ADAMDEC1: variants seen among roughly 807,000 people sequenced by gnomAD.
The protein encoded by ADAMDEC1 is ADAM like decysin 1, also known as ADAM DEC1.
ADAMDEC1 carries 62 observed loss-of-function variants against 60.4 expected under a neutral mutation model. That is an observed-to-expected ratio of 1.03 (90% CI 0.84 to 1.27). ADAMDEC1 has a LOEUF of 1.27. ADAMDEC1 is among the 50% of genes most tolerant of loss of function. The pLI is 0.00. For missense variants in ADAMDEC1, 595 were observed against 565.0 expected (o/e 1.05, Z -0.54); for synonymous variants, 210 against 195.1 (o/e 1.08, Z -0.64).
At position 24,402,101 on chromosome 8, in the gene ADAMDEC1, T is replaced by G; in HGVS notation, c.1320+9T>G. ...ATTGTGGCTCTCCTAAGGTATTATT[T>G]ATTAGAATTATTGGGGCAGAAGAAT... is the stretch of plus-strand genomic sequence containing the variant. On this transcript the variant is annotated intron_variant, in intron 12 of 13. Coordinates refer to ENST00000256412, the MANE Select transcript of ADAMDEC1 (RefSeq NM_014479.3). The G allele has an allele frequency of 6.3e-7, 1 of 1,577,792 alleles. No homozygotes were observed. Among genetic ancestry groups the G allele is most frequent in the Non-Finnish European group, 8.6e-7 (1 of 1,162,422 alleles).
rs748968529 is a variant in ADAMDEC1 at position 24,398,977 on chromosome 8, A to G, written c.866A>G (p.Asn289Ser). Residue 289 changes from asparagine (N) to serine (S), a missense_variant, in exon 9 of 14, where the codon AAC becomes AGC. Transcript: ENST00000256412. ...CCCAGCGCAAGCACCACGTTTGACA[A>G]CTTCCTGAGATGGCACAGTTCTAAC... ...VVPSASTTFDNFLRWHSSNLG... is the reference protein window; with the variant it reads ...VVPSASTTFDSFLRWHSSNLG... 29 of 1,613,714 alleles carry G rather than the reference A, an allele frequency of 1.8e-5. No homozygotes were observed. Among genetic ancestry groups the G allele is most frequent in the Admixed American group, 1.3e-4 (8 of 59,976 alleles).
At chr8:24,387,420 G>C (rs957470811) in intron 1 of ADAMDEC1, 7 of 151,996 alleles carry the variant, frequency 4.6e-5, no homozygotes, top group African/African-American at 1.7e-4. Flanking sequence ...GTGTAGAGTG[G>C]GGACAAAGCA....
At chr8:24,399,370 A>C in intron 9 of ADAMDEC1, 23 bp from the exon 10 acceptor site, 1 of 1,601,198 alleles carries the variant, frequency 6.2e-7, no homozygotes, top group African/African-American at 1.3e-5. Flanking sequence ...TTGTGACAGT[A>C]GTATCTGTAA....
intron 10 of ADAMDEC1, among the ~76,000 whole-genome samples, chr8:24,399,901 T>G (rs1817717426): frequency 6.6e-6 from 1 of 152,218 alleles, no homozygotes; most frequent in South Asian, 2.1e-4. Flanking sequence ...ATGGTGCCTA[T>G]GAGTACTTCC....
At chr8:24,394,270 T>C (rs534386953) in intron 4 of ADAMDEC1, 123 bp downstream of exon 4, 2 of 619,048 alleles carry the variant, frequency 3.2e-6, no homozygotes, top group East Asian at 6.0e-5. Flanking sequence ...ATGAACAGCT[T>C]CAAAAAATAA....
At chr8:24,395,662 A>C in intron 4 of ADAMDEC1, 58 bp from the exon 5 acceptor site, 3 of 1,133,026 alleles carry the variant, frequency 2.6e-6, no homozygotes, top group Non-Finnish European at 3.9e-6. Flanking sequence ...TTACACACAC[A>C]CTCACATACA....
intron 13 of ADAMDEC1, 92 bp from the exon 14 acceptor site, chr8:24,405,195 ATAATT>A (rs1817859147): frequency 8.2e-7 from 1 of 1,219,442 alleles, no homozygotes. Context: ...TGTTATTCAC[ATAATT>A]TAAATTCTAT....
At chr8:24,400,430 G>A (rs1817732768) in intron 11 of ADAMDEC1, 130 bp downstream of exon 11, 2 of 1,075,526 alleles carry the variant, frequency 1.9e-6, no homozygotes, top group East Asian at 2.8e-5. Context: ...TTTTAAAATT[G>A]TTTATAAAAT....
Position 24,399,480 on chromosome 8 carries a change from T to C in ADAMDEC1, c.1011+6T>C, listed in dbSNP as rs760310521. The C allele has an allele frequency of 6.2e-7, 1 of 1,611,326 alleles. No homozygotes were observed. Among genetic ancestry groups the C allele is most frequent in the Non-Finnish European group, 8.5e-7 (1 of 1,177,566 alleles). ...CTTCGGTTGCTGTTATTGAGGTTTGTAAATTTGTAGTAAGGCTCTCTGTGG... is the reference window on the plus strand; with the variant it reads ...CTTCGGTTGCTGTTATTGAGGTTTGCAAATTTGTAGTAAGGCTCTCTGTGG... On this transcript the variant is annotated splice_donor_region_variant and intron_variant, in intron 10 of 13. Transcript: ENST00000256412.
intron 13 of ADAMDEC1, among the ~76,000 whole-genome samples, chr8:24,404,543 A>G (rs1055539526): frequency 3.3e-5 from 5 of 152,210 alleles, no homozygotes; most frequent in African/African-American, 7.2e-5. Flanking sequence ...AAGTGTCTCA[A>G]TGAGCCATAA....
At position 24,404,005 on chromosome 8, in the gene ADAMDEC1, G is replaced by A. The variant is rs61731545; in HGVS notation, c.1323G>A (p.Glu441=). The A allele has an allele frequency of 3.2e-3, 5,100 of 1,613,092 alleles. 141 individuals are homozygous for A. The African/African-American group carries it at 0.061, about 19-fold the overall frequency. Residue 441 remains glutamate (E), a splice_region_variant and synonymous_variant, in exon 13 of 14, where the codon GAG becomes GAA. Transcript: ENST00000256412. The part of the protein sequence containing the change: ...GEDCDCGSPK[E]CTNLCCEALT... The stretch of plus-strand genomic sequence containing the variant: ...TCCATTGTGTGTGTGCTTTGAAGGA[G>A]TGTACCAATCTCTGCTGTGAAGCCC...
intron 1 of ADAMDEC1, among the ~76,000 whole-genome samples, chr8:24,388,644 C>G (rs1048705421): frequency 6.6e-6 from 1 of 152,130 alleles, no homozygotes; most frequent in African/African-American, 2.4e-5. Flanking sequence ...TCTTTTGTAG[C>G]AGCATTCAGT....
chr8:24,402,501 C>T (rs927498427), intron 12 of ADAMDEC1, among the ~76,000 whole-genome samples: 8 of 151,742 alleles, frequency 5.3e-5, no homozygotes, highest in African/African-American at 1.9e-4. Flanking sequence ...AGGTTGTAAA[C>T]AGAGAAGAAA....
chr8:24,395,582 A>G, intron 4 of ADAMDEC1, 138 bp from the exon 5 acceptor site: 1 of 604,840 alleles, frequency 1.7e-6, no homozygotes, highest in South Asian at 2.3e-5. Context: ...CACTACTTGA[A>G]GAATTTTTAC....
Position 24,402,021 on chromosome 8 carries a change from A to C in ADAMDEC1, c.1249A>C (p.Ile417Leu), listed in dbSNP as rs751004999. 6.2e-7 allele frequency: 1 copy of C among 1,613,418 alleles called. No individual in the cohort carries two copies. Among genetic ancestry groups the C allele is most frequent in the South Asian group, 1.1e-5 (1 of 91,048 alleles). ...CLLQAPIPTNIMTTPVCGNHL... is the reference protein window; with the variant it reads ...CLLQAPIPTNLMTTPVCGNHL... ...GCTGCAAGCACCTATTCCTACAAAT[A>C]TAATGACAACACCAGTGTGTGGGAA... is the stretch of plus-strand genomic sequence containing the variant. Residue 417 changes from isoleucine (I) to leucine (L), a missense_variant, in exon 12 of 14, where the codon ATA (isoleucine) becomes CTA (leucine). Coordinates refer to ENST00000256412, the MANE Select transcript of ADAMDEC1 (RefSeq NM_014479.3).
At chr8:24,390,126 C>A in intron 1 of ADAMDEC1, 2 of 575,012 alleles carry the variant, frequency 3.5e-6, no homozygotes, top group Non-Finnish European at 5.9e-6. Context: ...TTTAACCTGA[C>A]AGCCTCAAAC....
chr8:24,395,383 C>G (rs1817580154), intron 4 of ADAMDEC1, among the ~76,000 whole-genome samples: 1 of 152,222 alleles, frequency 6.6e-6, no homozygotes, highest in African/African-American at 2.4e-5. Flanking sequence ...GGACTGGCTA[C>G]TTCTCAGAGA....
intron 4 of ADAMDEC1, 67 bp from the exon 5 acceptor site, chr8:24,395,653 T>C (rs568577317): frequency 8.6e-6 from 9 of 1,042,472 alleles, no homozygotes; most frequent in African/African-American, 7.9e-5. Context: ...GTTTATACAT[T>C]ACACACACAC....
At position 24,394,465 on chromosome 8, in the gene ADAMDEC1, G is replaced by A. The variant is rs566094109; in HGVS notation, c.363+318G>A. On this transcript the variant is annotated intron_variant, in intron 4 of 13. Coordinates refer to ENST00000256412, the MANE Select transcript of ADAMDEC1 (RefSeq NM_014479.3). ...AGGTTAGAAAAGTTCTTCTCTATAC[G>A]TACTTAAAACCTCTTGTCACTATTT... is the stretch of plus-strand genomic sequence containing the variant. Among the ~76,000 whole-genome samples the A allele has an allele frequency of 5.9e-5, 9 of 152,180 alleles. No individual in the cohort carries two copies. In the East Asian group the frequency reaches 9.6e-4, roughly 16 times the overall value.
Sources: gnomAD v4.1 joint callset for allele counts (sites outside exome capture counted in the v4.1 genomes callset) on GRCh38, gnomAD v4.1.1 for gene constraint, MANE v1.5 for transcripts, NCBI Gene and HGNC (gene_info 2026-07-23, HGNC 2026-07-21) for gene names.